The following PCSK5 variants were observed in gnomAD, a reference collection of about 807,000 sequenced individuals.
The protein encoded by PCSK5 is prohormone convertase 5.
A neutral mutation model predicts 233.2 loss-of-function variants in PCSK5; 129 were observed. The ratio of observed to expected loss-of-function variants is 0.55; its 90% CI spans 0.48 to 0.64. The LOEUF (loss-of-function observed/expected upper bound fraction) is 0.64. PCSK5 is among the 30% of genes least tolerant of loss of function. The pLI is 0.00. For synonymous variants in PCSK5, 825 were observed against 879.2 expected (o/e 0.94, Z 1.09); for missense variants, 2,076 against 2,430.1 (o/e 0.85, Z 3.06).
chr9:76,153,474 T>C (rs1008467478), intron 10 of PCSK5, among the ~76,000 whole-genome samples: 4 of 152,238 alleles, frequency 2.6e-5, no homozygotes, highest in African/African-American at 9.6e-5. Context: ...TTTTACACAG[T>C]GCTTGCACAG....
At chr9:76,214,946 C>T (rs1825469511) in intron 20 of PCSK5, among the ~76,000 whole-genome samples, 1 of 152,230 alleles carries the variant, frequency 6.6e-6, no homozygotes, top group African/African-American at 2.4e-5. Context: ...TTTCTCCTCT[C>T]CCTACTTCTT....
intron 9 of PCSK5, among the ~76,000 whole-genome samples, chr9:76,128,554 C>CA (rs1822617921): frequency 6.6e-6 from 1 of 152,106 alleles, no homozygotes; most frequent in Non-Finnish European, 1.5e-5. Flanking sequence ...CTTTTACATG[C>CA]AGTAAGTATT....
chr9:76,267,221 C>G (rs1827360335), intron 24 of PCSK5, among the ~76,000 whole-genome samples: 1 of 152,122 alleles, frequency 6.6e-6, no homozygotes. Flanking sequence ...CTGGGCTGTT[C>G]CCATGCCAGA....
At chr9:76,338,186 G>T (rs1270237951) in intron 34 of PCSK5, 44 bp from the exon 35 acceptor site, 1 of 1,421,838 alleles carries the variant, frequency 7.0e-7, no homozygotes, top group East Asian at 2.4e-5. Context: ...TCCAATTTAG[G>T]AGCAAAGCTT....
rs562791879 is a variant in PCSK5 at position 76,209,091 on chromosome 9, A to G, written c.2627-18412A>G. On this transcript the variant is annotated intron_variant, in intron 20 of 37. Transcript: ENST00000674117. ...AGAAAGCAGTCATTTTTAACTAAGG[A>G]TATTTCAAGCCTAGATAGAATAGGG... Among the ~76,000 whole-genome samples, 6 of 152,344 alleles carry G rather than the reference A, an allele frequency of 3.9e-5. No individual in the cohort carries two copies. In the South Asian group the frequency reaches 1.0e-3, roughly 26 times the overall value.
rs146510535 is a variant in PCSK5 at position 76,052,453 on chromosome 9, A to T, written c.633-15502A>T. Among the ~76,000 whole-genome samples the T allele has an allele frequency of 9.9e-5, 15 of 152,242 alleles. No homozygotes were observed. In the East Asian group the frequency reaches 2.7e-3, roughly 27 times the overall value. On this transcript the variant is annotated intron_variant, in intron 5 of 37. Coordinates refer to ENST00000674117, the MANE Select transcript of PCSK5 (RefSeq NM_001372043.1). ...TGTCTTACATGGCAACAGGCAAGAGAGTGTGTGCAGGGAAACTGCTCTTTA... is the reference window on the plus strand; with the variant it reads ...TGTCTTACATGGCAACAGGCAAGAGTGTGTGTGCAGGGAAACTGCTCTTTA...
At chr9:76,148,136 T>C (rs896938084) in intron 10 of PCSK5, among the ~76,000 whole-genome samples, 2 of 151,568 alleles carry the variant, frequency 1.3e-5, no homozygotes, top group African/African-American at 2.4e-5. Context: ...CTTTGACCCA[T>C]CTCCTGCTTG....
intron 5 of PCSK5, among the ~76,000 whole-genome samples, chr9:76,067,255 A>G (rs1393830798): frequency 1.3e-5 from 2 of 152,230 alleles, no homozygotes; most frequent in Non-Finnish European, 2.9e-5. Context: ...TTCTGTAAAT[A>G]ATTTTTTTAA....
At chr9:75,941,111 C>T (rs1024018315) in intron 2 of PCSK5, among the ~76,000 whole-genome samples, 1 of 152,202 alleles carries the variant, frequency 6.6e-6, no homozygotes, top group African/African-American at 2.4e-5. Flanking sequence ...TGCATTGCCT[C>T]TCTCCCAGCC....
intron 10 of PCSK5, among the ~76,000 whole-genome samples, chr9:76,156,182 G>A (rs1458590437): frequency 6.6e-6 from 1 of 152,034 alleles, no homozygotes; most frequent in East Asian, 1.9e-4. Context: ...AAGAAGTGGA[G>A]ATTTTAAGTG....
intron 34 of PCSK5, among the ~76,000 whole-genome samples, chr9:76,335,174 A>G (rs1829641005): frequency 6.6e-6 from 1 of 152,220 alleles, no homozygotes; most frequent in Non-Finnish European, 1.5e-5. Context: ...TCTGGATCCC[A>G]TCTTCCTCAA....
In PCSK5 at chr9:76,010,870, T is replaced by C. The variant is rs1050332754; in HGVS notation, c.412-12868T>C. ...AATTGTGTTAACGTTATTCCTTTCA[T>C]TAATGAATGGAAAAAATGTGGTTTA... On this transcript the variant is annotated intron_variant, in intron 3 of 37. Transcript: ENST00000674117. 5.3e-5 allele frequency among the ~76,000 whole-genome samples: 8 copies of C among 152,232 alleles called. No homozygotes were observed. In the South Asian group the frequency reaches 1.7e-3, roughly 32 times the overall value.
intron 20 of PCSK5, chr9:76,194,562 T>TTAG (rs1564099237): frequency 3.6e-6 from 1 of 279,772 alleles, no homozygotes; most frequent in Admixed American, 4.9e-5. Context: ...CATACTATTA[T>TTAG]ATGCTGGTCC....
At chr9:76,316,129 T>A (rs1362706147) in intron 30 of PCSK5, among the ~76,000 whole-genome samples, 3 of 152,098 alleles carry the variant, frequency 2.0e-5, no homozygotes, top group African/African-American at 7.2e-5. Context: ...GGCCTAGCAT[T>A]GAGATTCCCT....
chr9:76,264,936 G>A (rs1221344608), intron 24 of PCSK5, among the ~76,000 whole-genome samples: 3 of 151,978 alleles, frequency 2.0e-5, no homozygotes, highest in East Asian at 3.9e-4. Flanking sequence ...AAATCCTTCT[G>A]ACAAAAAGAC....
chr9:76,149,278 C>T (rs1823570416), intron 10 of PCSK5, among the ~76,000 whole-genome samples: 1 of 152,168 alleles, frequency 6.6e-6, no homozygotes, highest in Non-Finnish European at 1.5e-5. Context: ...GCCATCATCA[C>T]CTCCAACAGT....
At chr9:75,927,595 G>A (rs185323739) in intron 1 of PCSK5, among the ~76,000 whole-genome samples, 1 of 152,174 alleles carries the variant, frequency 6.6e-6, no homozygotes. Context: ...GCATTAGACT[G>A]TTGAGGGGTT....
intron 5 of PCSK5, among the ~76,000 whole-genome samples, chr9:76,057,799 G>C (rs1564000673): frequency 1.4e-5 from 2 of 147,044 alleles, no homozygotes; most frequent in South Asian, 2.1e-4. Flanking sequence ...TTCCTGGTAT[G>C]GTACATCTAA....
chr9:76,165,567 G>C (rs912011067), intron 12 of PCSK5, among the ~76,000 whole-genome samples: 2 of 152,196 alleles, frequency 1.3e-5, no homozygotes, highest in African/African-American at 4.8e-5. Context: ...TAATTTATTT[G>C]GAAACCACTT....
Sources: gnomAD v4.1 joint callset for allele counts (sites outside exome capture counted in the v4.1 genomes callset) on GRCh38, gnomAD v4.1.1 for gene constraint, MANE v1.5 for transcripts, NCBI Gene and HGNC (gene_info 2026-07-23, HGNC 2026-07-21) for gene names.